Variants in ABCG1 observed in about 807,000 individuals in gnomAD.
ABCG1 encodes the protein ATP binding cassette subfamily G member 1.
In ABCG1, 29 loss-of-function variants were observed where a neutral mutation model predicts 69.2. That is an observed-to-expected ratio of 0.42 (90% CI 0.31 to 0.57). The LOEUF is 0.57. ABCG1 is among the 20% of genes least tolerant of loss of function. The pLI, the probability that ABCG1 is intolerant of heterozygous loss-of-function variation, is 0.15. For missense variants in ABCG1, 718 were observed against 898.1 expected, an observed-to-expected ratio of 0.80 and a Z score of 2.56; for synonymous variants, 370 against 374.8, an observed-to-expected ratio of 0.99 and a Z score of 0.15.
At chr21:42,286,595 C>T (rs2068944465) in intron 8 of ABCG1, among the ~76,000 whole-genome samples, 1 of 152,106 alleles carries the variant, frequency 6.6e-6, no homozygotes, top group Non-Finnish European at 1.5e-5. Context: ...ACGGGAGCCC[C>T]AGGAGGGTTG....
At position 42,287,471 on chromosome 21, in the gene ABCG1, C is replaced by T. The variant is rs796385373; in HGVS notation, c.974-418C>T. Among the ~76,000 whole-genome samples the T allele has an allele frequency of 5.3e-5, 8 of 152,176 alleles. No homozygotes were observed. The highest frequency in any genetic ancestry group is 2.1e-4 in the South Asian group (1 of 4,830). ...CTTCTCTGCCATCTTGTAGAACTGC[C>T]GTGGCTCTCGTCACACCCTGCCAAA... On this transcript the variant is annotated intron_variant, in intron 8 of 14. Coordinates refer to ENST00000398449, the MANE Select transcript of ABCG1 (RefSeq NM_016818.3). The surrounding 1 kb of genome is among the most constrained non-coding windows in gnomAD (Gnocchi z 6.2).
At chr21:42,289,658 G>A (rs942296470) in intron 10 of ABCG1, among the ~76,000 whole-genome samples, 4 of 152,162 alleles carry the variant, frequency 2.6e-5, no homozygotes, top group African/African-American at 4.8e-5. Context: ...GCTCACCGCC[G>A]TCCACAGCAG....
chr21:42,242,471 C>G (rs939738273), intron 2 of ABCG1, among the ~76,000 whole-genome samples: 1 of 152,202 alleles, frequency 6.6e-6, no homozygotes, highest in Non-Finnish European at 1.5e-5. Flanking sequence ...GCTGCATACT[C>G]CAGCCTGGGT....
At chr21:42,259,430 G>A in intron 2 of ABCG1, 1 of 1,549,772 alleles carries the variant, frequency 6.5e-7, no homozygotes, top group South Asian at 1.2e-5. Flanking sequence ...CAGCTCTTCA[G>A]GGAAAAAGGG....
At chr21:42,245,046 C>T (rs1358010736) in intron 2 of ABCG1, among the ~76,000 whole-genome samples, 1 of 152,234 alleles carries the variant, frequency 6.6e-6, no homozygotes, top group Non-Finnish European at 1.5e-5. Flanking sequence ...CCCACGCGCT[C>T]CACGAGCTCA....
chr21:42,243,453 T>TGC (rs1475453856), intron 2 of ABCG1, among the ~76,000 whole-genome samples: 23 of 109,646 alleles, frequency 2.1e-4, no homozygotes, highest in African/African-American at 1.2e-3. Context: ...TGCGCGTGTG[T>TGC]GTGTGTGTGT....
At chr21:42,259,386 T>C (rs1349960522) in intron 2 of ABCG1, 3 of 1,550,430 alleles carry the variant, frequency 1.9e-6, no homozygotes, top group South Asian at 1.2e-5. Flanking sequence ...TGTGACAGAC[T>C]GCGTGTCCTG....
rs570772734 is a variant in ABCG1 at position 42,269,276 on chromosome 21, G to A, written c.287-1794G>A. Among the ~76,000 whole-genome samples, 19 of 152,276 alleles carry A rather than the reference G, an allele frequency of 1.2e-4. No homozygotes were observed. In the East Asian group the frequency reaches 1.7e-3, roughly 14 times the overall value. On this transcript the variant is annotated intron_variant, in intron 2 of 14. Transcript: ENST00000398449. Reference sequence around the variant, plus strand: ...TGGGTCCCCGGGGGCCTGGGTGCCCGAAGTGCCGCAGTACTCCATGGTGCA... The same window carrying A: ...TGGGTCCCCGGGGGCCTGGGTGCCCAAAGTGCCGCAGTACTCCATGGTGCA...
rs146483452 is a variant in ABCG1 at position 42,288,261 on chromosome 21, G to C, written c.1173G>C (p.Thr391=). 3 of 1,614,186 alleles carry C rather than the reference G, an allele frequency of 1.9e-6. No homozygotes were observed. In the South Asian group the frequency reaches 3.3e-5, roughly 18 times the overall value. ...GCHSFSASCL[T]QFCILFKRTF... The stretch of plus-strand genomic sequence containing the variant: ...ACAGCTTCTCTGCCAGCTGCCTCAC[G>C]CAGTTCTGCATCCTCTTCAAGAGGA... Residue 391 remains threonine (T), a synonymous_variant, in exon 10 of 15, where the codon ACG becomes ACC. Coordinates refer to ENST00000398449, the MANE Select transcript of ABCG1 (RefSeq NM_016818.3). This position sits in a 1 kb window ranked among gnomAD's most constrained non-coding sequence, Gnocchi z 4.8.
intron 2 of ABCG1, among the ~76,000 whole-genome samples, chr21:42,269,988 G>A (rs917066948): frequency 2.6e-5 from 4 of 152,306 alleles, no homozygotes; most frequent in African/African-American, 4.8e-5. Context: ...CCCCTGGGCC[G>A]GGCGCGGTGG....
intron 2 of ABCG1, chr21:42,201,731 C>A: frequency 1.2e-6 from 2 of 1,613,762 alleles, no homozygotes; most frequent in South Asian, 2.2e-5. Context: ...CAGGTGTGGT[C>A]AGAAGAGACA....
chr21:42,207,800 G>T (rs769805895), intron 2 of ABCG1, among the ~76,000 whole-genome samples: 8 of 152,224 alleles, frequency 5.3e-5, no homozygotes, highest in Non-Finnish European at 8.8e-5. Flanking sequence ...GGAGGTAGAA[G>T]ACCTTAACTA....
chr21:42,294,279 G>A (rs1048480495), intron 13 of ABCG1, among the ~76,000 whole-genome samples: 1 of 152,200 alleles, frequency 6.6e-6, no homozygotes, highest in African/African-American at 2.4e-5. Context: ...CTCTGGCCTG[G>A]GGACATCCAC....
At chr21:42,266,171 C>T (rs9977145) in intron 2 of ABCG1, among the ~76,000 whole-genome samples, 2,273 of 152,060 alleles carry the variant, frequency 0.015, 29 homozygotes, top group Middle Eastern at 0.034. Flanking sequence ...CATGGTGGTG[C>T]GCACCTGTAA....
chr21:42,256,216 T>G (rs1264359734), intron 2 of ABCG1: 2 of 1,448,868 alleles, frequency 1.4e-6, no homozygotes, highest in Non-Finnish European at 1.8e-6. Flanking sequence ...CATAAGTGGT[T>G]TCCCATACAA....
chr21:42,277,323 G>T (rs1310660675), intron 5 of ABCG1, among the ~76,000 whole-genome samples: 1 of 152,156 alleles, frequency 6.6e-6, no homozygotes, highest in Non-Finnish European at 1.5e-5. Flanking sequence ...AATGAAGATG[G>T]TTAGTCATTC....
At chr21:42,275,725 A>G (rs1266168759) in intron 4 of ABCG1, among the ~76,000 whole-genome samples, 10 of 152,310 alleles carry the variant, frequency 6.6e-5, no homozygotes, top group Non-Finnish European at 1.5e-4. Flanking sequence ...AATCAAATTC[A>G]GTTCGATTTT....
chr21:42,254,133 T>G (rs1380590859), intron 2 of ABCG1, among the ~76,000 whole-genome samples: 1 of 152,124 alleles, frequency 6.6e-6, no homozygotes, highest in Non-Finnish European at 1.5e-5. Flanking sequence ...GAATGCTGAA[T>G]GTGAGGGAGA....
At chr21:42,256,634 TG>T in intron 2 of ABCG1, 1 of 1,488,170 alleles carries the variant, frequency 6.7e-7, no homozygotes, top group Non-Finnish European at 9.0e-7. Flanking sequence ...CTCAGAGTGC[TG>T]GGGACAGGGT....
Sources: allele counts gnomAD v4.1 joint callset (sites outside exome capture counted in the v4.1 genomes callset), GRCh38; gene constraint gnomAD v4.1.1; non-coding constraint Gnocchi (gnomAD v3.1); transcripts MANE v1.5; gene names NCBI Gene and HGNC (gene_info 2026-07-23, HGNC 2026-07-21).